TAS2R1: variants seen among roughly 807,000 people sequenced by gnomAD.
The protein encoded by TAS2R1 is taste receptor type 2 member 1.
For synonymous variants in TAS2R1, 141 were observed against 134.2 expected (o/e 1.05, Z -0.35); for missense variants, 370 against 353.4 (o/e 1.05, Z -0.38).
chr5:9,888,220 C>T, the TAS2R1 span, among the ~76,000 whole-genome samples: 11 of 152,274 alleles, frequency 7.2e-5, no homozygotes, highest in Non-Finnish European at 1.6e-4. Flanking sequence ...TCCTTCACTG[C>T]TCAGCCCTCT....
chr5:9,736,578 G>T, the TAS2R1 span, among the ~76,000 whole-genome samples: 1 of 152,082 alleles, frequency 6.6e-6, no homozygotes, highest in Non-Finnish European at 1.5e-5. Flanking sequence ...AAATTGCTTG[G>T]TGATGCATTT....
chr5:9,727,907 A>C, the TAS2R1 span, among the ~76,000 whole-genome samples: 2 of 152,222 alleles, frequency 1.3e-5, no homozygotes, highest in Non-Finnish European at 2.9e-5. Context: ...AGTGAGCATG[A>C]GTAGGAAGGG....
At chr5:9,894,319 G>A in the TAS2R1 span, among the ~76,000 whole-genome samples, 16 of 152,190 alleles carry the variant, frequency 1.1e-4, no homozygotes, top group Admixed American at 2.0e-4. Flanking sequence ...CAGGAGAATC[G>A]CTTGAACCTG....
the TAS2R1 span, among the ~76,000 whole-genome samples, chr5:9,743,946 T>G: frequency 2.6e-5 from 4 of 152,238 alleles, no homozygotes; most frequent in Admixed American, 2.6e-4. Flanking sequence ...GGAATATAAT[T>G]TCAAAAGAAA....
chr5:9,821,471 A>G, the TAS2R1 span, among the ~76,000 whole-genome samples: 1 of 152,208 alleles, frequency 6.6e-6, no homozygotes, highest in Non-Finnish European at 1.5e-5. Context: ...TACAGTCATT[A>G]TTTGGCATCT....
intron 1 of TAS2R1, among the ~76,000 whole-genome samples, chr5:9,680,302 G>A (rs3902565): frequency 0.14 from 21,264 of 152,162 alleles, 1,611 homozygotes; most frequent in Admixed American, 0.24. Flanking sequence ...AGTCTTACGG[G>A]TGGAAGAGTT....
the TAS2R1 span, chr5:9,883,789 C>T: frequency 6.6e-6 from 1 of 152,170 alleles, no homozygotes; most frequent in African/African-American, 2.4e-5. Flanking sequence ...AGGCTCTGAG[C>T]CAGGCTTTCT....
At chr5:9,687,541 A>G (rs144792052) in intron 1 of TAS2R1, among the ~76,000 whole-genome samples, 4,300 of 152,162 alleles carry the variant, frequency 0.028, 74 homozygotes, top group Middle Eastern at 0.054. Context: ...ATTGTAGGAT[A>G]AAGTTGTTCT....
At chr5:9,656,609 G>A (rs376512167) in intron 2 of TAS2R1, among the ~76,000 whole-genome samples, 1 of 152,170 alleles carries the variant, frequency 6.6e-6, no homozygotes, top group East Asian at 1.9e-4. Flanking sequence ...AGCCACGTTG[G>A]AGAGGGCAAT....
chr5:9,855,339 T>C, the TAS2R1 span, among the ~76,000 whole-genome samples: 6 of 152,214 alleles, frequency 3.9e-5, no homozygotes, highest in African/African-American at 7.2e-5. Context: ...GTTCTTTAGA[T>C]GGAAGGTGCA....
intron 2 of TAS2R1, among the ~76,000 whole-genome samples, chr5:9,646,915 C>G (rs1156308493): frequency 6.6e-6 from 1 of 152,150 alleles, no homozygotes; most frequent in African/African-American, 2.4e-5. Context: ...AATACAATTT[C>G]TCATCTTTAG....
chr5:9,841,781 A>C, the TAS2R1 span, among the ~76,000 whole-genome samples: 13 of 152,342 alleles, frequency 8.5e-5, no homozygotes, highest in Non-Finnish European at 7.3e-5. Context: ...CTCCCTCCAG[A>C]ACAGAGAGCA....
At chr5:9,688,841 A>G (rs1452174108) in intron 1 of TAS2R1, among the ~76,000 whole-genome samples, 1 of 152,126 alleles carries the variant, frequency 6.6e-6, no homozygotes, top group African/African-American at 2.4e-5. Flanking sequence ...GACTGTCTGC[A>G]GCTAGGCACA....
At chr5:9,754,623 C>A in the TAS2R1 span, among the ~76,000 whole-genome samples, 1 of 152,126 alleles carries the variant, frequency 6.6e-6, no homozygotes, top group African/African-American at 2.4e-5. Flanking sequence ...AGCCAAATCA[C>A]GAGTGAACTC....
At chr5:9,802,929 A>C in the TAS2R1 span, among the ~76,000 whole-genome samples, 2 of 152,266 alleles carry the variant, frequency 1.3e-5, no homozygotes, top group East Asian at 1.9e-4. Flanking sequence ...AGAATTAAGA[A>C]GGTCAATCAT....
At chr5:9,847,335 G>T in the TAS2R1 span, among the ~76,000 whole-genome samples, 2 of 152,078 alleles carry the variant, frequency 1.3e-5, no homozygotes, top group Non-Finnish European at 2.9e-5. Flanking sequence ...AAAGTTCTTT[G>T]GGTTTCCCCC....
the TAS2R1 span, among the ~76,000 whole-genome samples, chr5:9,869,197 CT>C: frequency 6.6e-6 from 1 of 152,182 alleles, no homozygotes; most frequent in Admixed American, 6.5e-5. Context: ...GTTCAACTCT[CT>C]GCAGTATCAA....
chr5:9,893,418 G>A, the TAS2R1 span, among the ~76,000 whole-genome samples: 1 of 152,044 alleles, frequency 6.6e-6, no homozygotes, highest in Non-Finnish European at 1.5e-5. Context: ...GCCCAGCCCA[G>A]ACTCCTATCT....
chr5:9,800,290 A>G, the TAS2R1 span, among the ~76,000 whole-genome samples: 1 of 152,216 alleles, frequency 6.6e-6, no homozygotes, highest in African/African-American at 2.4e-5. Flanking sequence ...ATAGACAGAT[A>G]TAATTTCATT....
Sources: allele counts gnomAD v4.1 joint callset (sites outside exome capture counted in the v4.1 genomes callset), GRCh38; gene constraint gnomAD v4.1.1; transcripts MANE v1.5; gene names NCBI Gene and HGNC (gene_info 2026-07-23, HGNC 2026-07-21).